CELF4: variants seen among roughly 807,000 people sequenced by gnomAD.
The protein encoded by CELF4 is CUG-BP- and ETR-3-like factor 4.
A neutral mutation model predicts 59.9 loss-of-function variants in CELF4; 18 were observed. The ratio of observed to expected loss-of-function variants is 0.30; its 90% CI spans 0.21 to 0.45. The LOEUF is 0.45. Among genes scored for constraint, CELF4 ranks in the 20% least tolerant of loss-of-function variants. CELF4 has a pLI of 1.00. For synonymous variants in CELF4, 261 were observed against 267.1 expected (o/e 0.98, Z 0.22); for missense variants, 456 against 689.0 (o/e 0.66, Z 3.79).
At chr18:37,368,920 G>A (rs2098822974) in intron 2 of CELF4, among the ~76,000 whole-genome samples, 1 of 152,250 alleles carries the variant, frequency 6.6e-6, no homozygotes, top group Non-Finnish European at 1.5e-5. Context: ...TGGGGGAGAT[G>A]TGTGGTCCTG....
chr18:37,409,656 G>A (rs2099418061), intron 2 of CELF4, among the ~76,000 whole-genome samples: 1 of 152,270 alleles, frequency 6.6e-6, no homozygotes, highest in South Asian at 2.1e-4. Flanking sequence ...CTGGCGGGGG[G>A]TGAAGAGAAT....
chr18:37,437,177 C>T (rs2099695498), intron 2 of CELF4, among the ~76,000 whole-genome samples: 1 of 152,114 alleles, frequency 6.6e-6, no homozygotes, highest in Non-Finnish European at 1.5e-5. Flanking sequence ...AATGCAGGCC[C>T]CACCTTGAGC....
chr18:37,377,189 T>C (rs2098980852), intron 2 of CELF4, among the ~76,000 whole-genome samples: 1 of 152,100 alleles, frequency 6.6e-6, no homozygotes. Context: ...CATCCTGAGA[T>C]GCAGGAAGGC....
At chr18:37,545,806 A>C (rs1260315728) in intron 1 of CELF4, among the ~76,000 whole-genome samples, 1 of 152,030 alleles carries the variant, frequency 6.6e-6, no homozygotes, top group African/African-American at 2.4e-5. Flanking sequence ...CTCCAAGAAG[A>C]GACCTCAGGG....
intron 2 of CELF4, among the ~76,000 whole-genome samples, chr18:37,451,434 G>GTGTGCA (rs779567475): frequency 2.0e-5 from 3 of 152,214 alleles, no homozygotes; most frequent in Admixed American, 6.5e-5. Context: ...TCTTTTGTGT[G>GTGTGCA]TGTGCATGTG....
At chr18:37,262,166 C>A (rs1284256662) in intron 10 of CELF4, among the ~76,000 whole-genome samples, 1 of 152,212 alleles carries the variant, frequency 6.6e-6, no homozygotes, top group African/African-American at 2.4e-5. Flanking sequence ...CCCACAGAAG[C>A]CTTCCTGACA....
chr18:37,270,780 G>T lies in CELF4; in HGVS notation c.1087C>A (p.His363Asn). The T allele has an allele frequency of 1.2e-6, 2 of 1,613,982 alleles. No homozygotes were observed. Among genetic ancestry groups the T allele is most frequent in the Non-Finnish European group, 1.7e-6 (2 of 1,179,970 alleles). ...AAEAVFANGI[H>N]PYPAQSPTAA... ...CAGATGTGCTTACCTGGGTAGGGGT[G>T]GATGCCATTGGCGAACACAGCTTCC... The change falls in exon 8 of 13, where the codon CAC becomes AAC. Residue 363 changes from histidine (H) to asparagine (N), a missense_variant. Transcript: ENST00000420428.
At chr18:37,392,258 C>A (rs1022508849) in intron 2 of CELF4, among the ~76,000 whole-genome samples, 14 of 152,192 alleles carry the variant, frequency 9.2e-5, no homozygotes, top group African/African-American at 3.1e-4. Context: ...CCTAGTTGCA[C>A]CCCAGGGTAC....
At chr18:37,285,392 C>T (rs1006491680) in intron 3 of CELF4, among the ~76,000 whole-genome samples, 5 of 152,248 alleles carry the variant, frequency 3.3e-5, no homozygotes, top group African/African-American at 1.2e-4. Context: ...CCCTCCATGC[C>T]TGAAGCCCGT....
rs553472906 is a variant in CELF4, at chr18:37,314,822, T to C, written c.448+6981A>G. 3.7e-4 allele frequency among the ~76,000 whole-genome samples: 57 copies of C among 152,270 alleles called. 1 individual carries two copies. The highest frequency in any genetic ancestry group is 1.3e-3 in the African/African-American group (54 of 41,552). ...CTCCTGGGTTCAGTTCTCAGCTGCC[T>C]GCTTTGCTGATCTGCCCTGGGCCTG... is the stretch of plus-strand genomic sequence containing the variant. On this transcript the variant is annotated intron_variant, in intron 3 of 12. Transcript: ENST00000420428.
chr18:37,392,085 C>T (rs2154577981), intron 2 of CELF4, among the ~76,000 whole-genome samples: 1 of 152,198 alleles, frequency 6.6e-6, no homozygotes, highest in East Asian at 1.9e-4. Context: ...TGCTCCCTTC[C>T]ACTTCTGTGA....
chr18:37,520,752 G>A (rs1481767340), intron 1 of CELF4, among the ~76,000 whole-genome samples: 1 of 152,116 alleles, frequency 6.6e-6, no homozygotes, highest in African/African-American at 2.4e-5. Context: ...TTACCCAGAG[G>A]GGACAGTCTT....
chr18:37,475,244 A>G (rs1249895272), intron 2 of CELF4, among the ~76,000 whole-genome samples: 1 of 152,244 alleles, frequency 6.6e-6, no homozygotes, highest in African/African-American at 2.4e-5. Context: ...GGGGCGCTCC[A>G]ACTAAGACAA....
At chr18:37,404,468 G>T (rs2099361165) in intron 2 of CELF4, among the ~76,000 whole-genome samples, 1 of 152,226 alleles carries the variant, frequency 6.6e-6, no homozygotes, top group Non-Finnish European at 1.5e-5. Flanking sequence ...TAGACACAGG[G>T]CAGGGAACTT....
intron 10 of CELF4, among the ~76,000 whole-genome samples, chr18:37,261,615 G>C (rs936827316): frequency 2.0e-5 from 3 of 152,228 alleles, no homozygotes; most frequent in Non-Finnish European, 4.4e-5. Context: ...AGATGGCAGA[G>C]CTGGCAGGAC....
At chr18:37,529,383 T>C (rs765335954) in intron 1 of CELF4, among the ~76,000 whole-genome samples, 2 of 152,172 alleles carry the variant, frequency 1.3e-5, no homozygotes, top group Non-Finnish European at 2.9e-5. Flanking sequence ...GTCGAGGTGC[T>C]TACGACACTG....
chr18:37,509,847 T>C lies in CELF4; in HGVS notation c.287-24240A>G, dbSNP rs566399068. The stretch of plus-strand genomic sequence containing the variant: ...TCAGCCATCAAAAGGAAGATAATTC[T>C]GACATACACTACAGTGTGGATGAAC... On this transcript the variant is annotated intron_variant, in intron 1 of 12. Transcript: ENST00000420428. 2.6e-5 allele frequency among the ~76,000 whole-genome samples: 4 copies of C among 152,364 alleles called. No homozygotes were observed. In the South Asian group the frequency reaches 8.3e-4, roughly 32 times the overall value.
intron 2 of CELF4, among the ~76,000 whole-genome samples, chr18:37,445,448 G>A (rs565275316): frequency 6.6e-6 from 1 of 152,048 alleles, no homozygotes; most frequent in Non-Finnish European, 1.5e-5. Context: ...GGGGTCTGGG[G>A]TCGGTAGTCA....
intron 2 of CELF4, among the ~76,000 whole-genome samples, chr18:37,464,011 C>G (rs1051972745): frequency 3.9e-5 from 6 of 152,200 alleles, no homozygotes; most frequent in African/African-American, 1.4e-4. Flanking sequence ...CAGGCCCCTC[C>G]TCCTGACCCC....
Sources: allele counts gnomAD v4.1 joint callset (sites outside exome capture counted in the v4.1 genomes callset), GRCh38; gene constraint gnomAD v4.1.1; transcripts MANE v1.5; gene names NCBI Gene and HGNC (gene_info 2026-07-23, HGNC 2026-07-21).